FXR1: variants seen among roughly 807,000 people sequenced by gnomAD.
FXR1 encodes the protein RNA-binding protein FXR1.
Under a neutral mutation model 84.0 loss-of-function variants are expected in FXR1, and 15 were observed. The observed-to-expected ratio is 0.18, with a 90% confidence interval of 0.12 to 0.27. The LOEUF (loss-of-function observed/expected upper bound fraction) is 0.27. Among genes scored for constraint, FXR1 ranks in the 10% least tolerant of loss-of-function variants. The pLI is 1.00. For missense variants in FXR1, 480 were observed against 774.4 expected (o/e 0.62, Z 4.51); for synonymous variants, 245 against 250.7 (o/e 0.98, Z 0.21).
At chr3:180,953,929 A>G (rs1722482080) in intron 9 of FXR1, 89 bp downstream of exon 9, 2 of 700,260 alleles carry the variant, frequency 2.9e-6, no homozygotes, top group African/African-American at 3.6e-5. Context: ...TTGTAGTCTG[A>G]TAACCTTATT....
At chr3:180,965,340 T>TA (rs1380485318) in intron 13 of FXR1, among the ~76,000 whole-genome samples, 2 of 151,684 alleles carry the variant, frequency 1.3e-5, no homozygotes, top group South Asian at 4.2e-4. Context: ...AAAGCTTGTT[T>TA]AAAAAAACGA....
At chr3:180,975,244 C>T (rs922330297) in intron 15 of FXR1, 69 bp from the exon 16 acceptor site, 4 of 626,510 alleles carry the variant, frequency 6.4e-6, no homozygotes, top group African/African-American at 1.9e-5. Flanking sequence ...AGTGAAATTA[C>T]CCTTTATCCA....
At chr3:180,957,526 T>C (rs1711518221) in intron 9 of FXR1, 1 of 228,992 alleles carries the variant, frequency 4.4e-6, no homozygotes. Flanking sequence ...ATTTTAAAAA[T>C]ATGAAAATGA....
intron 1 of FXR1, among the ~76,000 whole-genome samples, chr3:180,931,739 GTTTTTTTT>G (rs5854881): frequency 9.9e-6 from 1 of 101,432 alleles, no homozygotes; most frequent in Non-Finnish European, 1.8e-5. Flanking sequence ...GTTGTTGTGG[GTTTTTTTT>G]TTTTTTTTTT....
chr3:180,976,466 G>A lies in FXR1; in HGVS notation c.*174G>A. The A allele has an allele frequency of 6.3e-6, 3 of 479,708 alleles. No individual in the cohort carries two copies. The Admixed American group carries it at 1.2e-4, about 19-fold the overall frequency. 29.7% of individuals were successfully genotyped at this position (479,708 alleles called of 1,614,324 possible). ...AGAAATCATATGTTAAACATACTTT[G>A]ACACCTACTGTGTTATAAAATATAT... On this transcript the variant is annotated 3_prime_UTR_variant, in exon 17 of 17. Transcript: ENST00000357559.
chr3:180,929,264 G>A (rs972941261), intron 1 of FXR1, among the ~76,000 whole-genome samples: 1 of 152,118 alleles, frequency 6.6e-6, no homozygotes, highest in Non-Finnish European at 1.5e-5. Flanking sequence ...TCAGAGTTAT[G>A]TGGGCATTTT....
intron 13 of FXR1, among the ~76,000 whole-genome samples, chr3:180,964,663 TGTA>T (rs1440413193): frequency 5.1e-5 from 6 of 118,438 alleles, no homozygotes; most frequent in African/African-American, 2.3e-4. Context: ...CAGAGGGACT[TGTA>T]GTTGATTTAT....
intron 1 of FXR1, among the ~76,000 whole-genome samples, chr3:180,921,798 G>A (rs538011394): frequency 4.0e-5 from 6 of 151,588 alleles, no homozygotes; most frequent in South Asian, 2.1e-4. Flanking sequence ...TTACACACAC[G>A]TAAGTATGAT....
At chr3:180,961,354 AAAAAAAAAAAAAAGGT>A (rs1197774377) in intron 10 of FXR1, 98 bp from the exon 11 acceptor site, 5 of 445,400 alleles carry the variant, frequency 1.1e-5, no homozygotes, top group African/African-American at 4.4e-5. Context: ...AAAAAAAAAA[AAAAAAAAAAAAAAGGT>A]GTGTGTGTGT....
In FXR1 at chr3:180,942,397, A is replaced by G. The variant is rs1163128359; in HGVS notation, c.199-5468A>G. On this transcript the variant is annotated intron_variant, in intron 3 of 16. Coordinates refer to ENST00000357559, the MANE Select transcript of FXR1 (RefSeq NM_005087.4). ...CGTCTCAAAAAAAAAAAAAAAAAAA[A>G]AAAAAAAAGGCATAGGTTGAACATT... Among the ~76,000 whole-genome samples the G allele has an allele frequency of 6.0e-5, 9 of 150,916 alleles. No homozygotes were observed. In the South Asian group the frequency reaches 1.0e-3, roughly 17 times the overall value.
intron 1 of FXR1, among the ~76,000 whole-genome samples, chr3:180,920,295 A>G (rs1358120880): frequency 6.6e-6 from 1 of 152,156 alleles, no homozygotes; most frequent in Admixed American, 6.5e-5. Context: ...TACTTAGTTC[A>G]TAGTAAGCCC....
chr3:180,914,017 G>A (rs1456991676), intron 1 of FXR1, among the ~76,000 whole-genome samples: 4 of 152,148 alleles, frequency 2.6e-5, no homozygotes, highest in Non-Finnish European at 5.9e-5. Flanking sequence ...CTGTCACGTG[G>A]TACCAGCATA....
At position 180,957,759 on chromosome 3, in the gene FXR1, C is replaced by CTT. The variant is rs1269272128; in HGVS notation, c.881-59_881-58insTT. 19 of 754,934 alleles carry CTT rather than the reference C, an allele frequency of 2.5e-5. 1 individual carries two copies. The highest frequency in any genetic ancestry group is 1.5e-4 in the South Asian group (9 of 59,208). The allele number at this position is 754,934 out of a possible 1,614,324, so 46.8% of individuals were successfully genotyped here. On this transcript the variant is annotated intron_variant, in intron 9 of 16. Transcript: ENST00000357559. ...AAGTTACAAATAATTGGGGCTGACA[C>CTT]TGAAAGAATAGCAGAATTGAGTTTT... is the stretch of plus-strand genomic sequence containing the variant.
At chr3:180,931,808 A>G (rs35080573) in intron 1 of FXR1, among the ~76,000 whole-genome samples, 24,703 of 126,544 alleles carry the variant, frequency 0.2, 2,327 homozygotes, top group Middle Eastern at 0.35. Context: ...CAGCATGGTT[A>G]TGGCTCACTG....
Position 180,951,461 on chromosome 3 carries a change from A to G in FXR1, c.794A>G (p.Tyr265Cys), listed in dbSNP as rs749812307. The G allele has an allele frequency of 5.0e-6, 8 of 1,608,952 alleles. No individual in the cohort carries two copies. The highest frequency in any genetic ancestry group is 5.9e-6 in the Non-Finnish European group (7 of 1,176,606). Residue 265 changes from tyrosine to cysteine, a missense_variant, in exon 8 of 17, where the codon TAC (tyrosine) becomes TGC (cysteine). This residue lies in a region of FXR1 where 136 missense variants were observed against 315.4 expected (regional missense o/e 0.43). Coordinates refer to ENST00000357559, the MANE Select transcript of FXR1 (RefSeq NM_005087.4). ...GAAGATACTGGAACATTCAGAATCT[A>G]CGGAGAGGTAAGTTCTCTTTCTCCT... is the stretch of plus-strand genomic sequence containing the variant. ...LDEDTGTFRI[Y>C]GESADAVKKA...
chr3:180,942,787 G>T (rs144414266), intron 3 of FXR1, among the ~76,000 whole-genome samples: 6 of 152,118 alleles, frequency 3.9e-5, no homozygotes. Context: ...AGGAATTTCT[G>T]TGGGGCGCTG....
intron 2 of FXR1, among the ~76,000 whole-genome samples, chr3:180,933,971 G>C (rs1025426592): frequency 7.0e-5 from 10 of 142,330 alleles, no homozygotes; most frequent in African/African-American, 2.4e-4. Context: ...AAATTAGCTA[G>C]TCATGGTGGG....
chr3:180,968,099 A>G lies in FXR1; in HGVS notation c.1247A>G (p.Lys416Arg). 1.2e-6 allele frequency: 2 copies of G among 1,613,882 alleles called. No individual in the cohort carries two copies. The highest frequency in any genetic ancestry group is 1.7e-6 in the Non-Finnish European group (2 of 1,179,764). ...SNPSETESERKDELSDWSLAG... is the reference protein window; with the variant it reads ...SNPSETESERRDELSDWSLAG... ...CCCTCTGAAACGGAATCTGAGCGTA[A>G]AGACGAGCTGAGTGATTGGTCATTG... is the stretch of plus-strand genomic sequence containing the variant. The change falls in exon 14 of 17, where the codon AAA (lysine) becomes AGA (arginine). Residue 416 changes from lysine to arginine, a missense_variant. Coordinates refer to ENST00000357559, the MANE Select transcript of FXR1 (RefSeq NM_005087.4).
At chr3:180,924,011 T>C (rs928620640) in intron 1 of FXR1, among the ~76,000 whole-genome samples, 5 of 152,048 alleles carry the variant, frequency 3.3e-5, no homozygotes, top group African/African-American at 4.8e-5. Context: ...CAGGCTGGAG[T>C]GCAGTGGCGT....
Sources: gnomAD v4.1 joint callset for allele counts (sites outside exome capture counted in the v4.1 genomes callset) on GRCh38, gnomAD v4.1.1 for gene constraint, gnomAD v4.1.1 regional missense constraint, MANE v1.5 for transcripts, NCBI Gene and HGNC (gene_info 2026-07-23, HGNC 2026-07-21) for gene names.